AVEN: variants seen among roughly 807,000 people sequenced by gnomAD.
The protein encoded by AVEN is apoptosis and caspase activation inhibitor, also known as cell death regulator Aven.
In AVEN, 41 loss-of-function variants were observed where a neutral mutation model predicts 38.1. That is an observed-to-expected ratio of 1.08 (90% CI 0.84 to 1.40). The LOEUF is 1.40. Ranked by LOEUF, AVEN falls within the 40% of genes most tolerant of loss-of-function variation. The pLI is 0.00. For missense variants in AVEN, 605 were observed against 438.8 expected (o/e 1.38, Z -3.38); for synonymous variants, 206 against 171.8 (o/e 1.20, Z -1.56).
chr15:33,947,956 A>G (rs980299709), intron 2 of AVEN, among the ~76,000 whole-genome samples: 3 of 152,254 alleles, frequency 2.0e-5, no homozygotes, highest in Non-Finnish European at 4.4e-5. Context: ...AAGGTTTTTA[A>G]GAATGGCATT....
intron 2 of AVEN, among the ~76,000 whole-genome samples, chr15:33,948,528 C>A (rs909540665): frequency 5.9e-5 from 9 of 151,964 alleles, no homozygotes; most frequent in African/African-American, 2.2e-4. Context: ...TAATAAATAT[C>A]TAAATATTTA....
intron 5 of AVEN, among the ~76,000 whole-genome samples, chr15:34,049,668 G>A (rs1049045817): frequency 8.6e-5 from 13 of 151,882 alleles, no homozygotes; most frequent in African/African-American, 2.9e-4. Context: ...CGTTCAAATT[G>A]AAAAAATGCA....
At chr15:33,919,639 T>C (rs1175848913) in intron 2 of AVEN, among the ~76,000 whole-genome samples, 2 of 152,124 alleles carry the variant, frequency 1.3e-5, no homozygotes, top group Non-Finnish European at 2.9e-5. Flanking sequence ...ACCTCAGAAA[T>C]GTGTGGCTTA....
intron 1 of AVEN, among the ~76,000 whole-genome samples, chr15:34,030,539 G>C (rs1367796303): frequency 6.6e-6 from 1 of 151,976 alleles, no homozygotes; most frequent in African/African-American, 2.4e-5. Flanking sequence ...GTAGAGACAG[G>C]GTTTCATTGT....
At chr15:33,860,973 A>G in intron 11 of AVEN, 2 of 922,664 alleles carry the variant, frequency 2.2e-6, no homozygotes, top group Non-Finnish European at 3.4e-6. Flanking sequence ...CAAAAGCATT[A>G]GAAAGAAAGT....
At chr15:33,852,952 T>TCCCA in the AVEN span, 1 of 1,086,718 alleles carries the variant, frequency 9.2e-7, no homozygotes, top group Non-Finnish European at 1.4e-6. Context: ...ACCAGAAAGA[T>TCCCA]CCCAGATCCA....
chr15:33,935,029 C>G (rs1041854156), intron 2 of AVEN, among the ~76,000 whole-genome samples: 9 of 152,106 alleles, frequency 5.9e-5, no homozygotes, highest in African/African-American at 2.2e-4. Context: ...AAAGAAGGAT[C>G]CAAACAGATG....
At chr15:34,073,785 T>C (rs1304693597) in intron 1 of AVEN, among the ~76,000 whole-genome samples, 1 of 151,722 alleles carries the variant, frequency 6.6e-6, no homozygotes, top group South Asian at 2.1e-4. Context: ...CCTCCCAAAG[T>C]GTTGGGATTA....
chr15:34,045,710 A>G (rs1899657504), intron 5 of AVEN, among the ~76,000 whole-genome samples: 1 of 141,722 alleles, frequency 7.1e-6, no homozygotes, highest in Non-Finnish European at 1.5e-5. Flanking sequence ...ATAAAAAAAA[A>G]AAGGTGTTTC....
intron 2 of AVEN, among the ~76,000 whole-genome samples, chr15:33,930,322 ATTTT>A (rs893644861): frequency 4.4e-5 from 6 of 135,342 alleles, no homozygotes; most frequent in African/African-American, 1.7e-4. Context: ...CTCTAGTATT[ATTTT>A]GAGTCCATCT....
chr15:33,968,724 T>TAATGTTTTTTA (rs1462174449), intron 2 of AVEN: 4 of 152,104 alleles, frequency 2.6e-5, no homozygotes, highest in African/African-American at 9.7e-5. Context: ...CTAGTCCAGA[T>TAATGTTTTTTA]AATGTTTTTT....
intron 2 of AVEN, among the ~76,000 whole-genome samples, chr15:33,917,805 C>G (rs898521026): frequency 1.3e-5 from 2 of 152,032 alleles, no homozygotes; most frequent in Admixed American, 6.6e-5. Context: ...AAGGCAGACT[C>G]AGGGGTAAGT....
intron 2 of AVEN, among the ~76,000 whole-genome samples, chr15:33,931,321 G>A (rs1036945996): frequency 7.2e-6 from 1 of 139,074 alleles, no homozygotes; most frequent in Non-Finnish European, 1.5e-5. Flanking sequence ...TTATTTATTT[G>A]CCAAAAAGAA....
At chr15:33,943,200 G>A (rs1266536488) in intron 2 of AVEN, among the ~76,000 whole-genome samples, 2 of 152,172 alleles carry the variant, frequency 1.3e-5, no homozygotes, top group African/African-American at 2.4e-5. Flanking sequence ...CCAAGAGGTA[G>A]GGGCAACCCA....
chr15:33,865,943 A>AGAAAAGTACTGTACT (rs1190659473), downstream of AVEN: 1 of 152,736 alleles, frequency 6.5e-6, no homozygotes, highest in Non-Finnish European at 1.5e-5. Flanking sequence ...TGTTATTAGA[A>AGAAAAGTACTGTACT]GAAAAGTACT....
At chr15:33,990,121 T>C (rs898612968) in intron 2 of AVEN, among the ~76,000 whole-genome samples, 5 of 151,938 alleles carry the variant, frequency 3.3e-5, no homozygotes, top group Admixed American at 1.3e-4. Context: ...GGAGAATCAC[T>C]TGAACCTGGG....
chr15:33,867,472 G>T (rs570842145), intron 5 of AVEN, 23 bp downstream of exon 5: 8 of 1,542,614 alleles, frequency 5.2e-6, no homozygotes, highest in Non-Finnish European at 6.1e-6. Context: ...CAAGATTCAC[G>T]GGGAATAAAA....
intron 2 of AVEN, among the ~76,000 whole-genome samples, chr15:33,972,682 T>C (rs978696274): frequency 2.6e-5 from 4 of 152,230 alleles, no homozygotes; most frequent in Non-Finnish European, 5.9e-5. Flanking sequence ...AAAGCTCCTT[T>C]TACAAACACA....
intron 11 of AVEN, chr15:33,859,179 GTGGA>G (rs796843190): frequency 4.1e-5 from 7 of 168,782 alleles, no homozygotes; most frequent in African/African-American, 1.7e-4. Flanking sequence ...TAAGGGGAAT[GTGGA>G]TGAAGAAGAG....
Sources: gnomAD v4.1 joint callset for allele counts (sites outside exome capture counted in the v4.1 genomes callset) on GRCh38, gnomAD v4.1.1 for gene constraint, MANE v1.5 for transcripts, NCBI Gene and HGNC (gene_info 2026-07-23, HGNC 2026-07-21) for gene names.